ADGRL2: variants seen among roughly 807,000 people sequenced by gnomAD.
ADGRL2 encodes calcium-independent alpha-latrotoxin receptor 2.
Under a neutral mutation model 157.4 loss-of-function variants are expected in ADGRL2, and 44 were observed. The ratio of observed to expected loss-of-function variants is 0.28; its 90% CI spans 0.22 to 0.36. The LOEUF is 0.36. Ranked by LOEUF, ADGRL2 falls within the 10% of genes least tolerant of loss-of-function variation. ADGRL2 has a pLI of 1.00. For missense variants in ADGRL2, 1,510 were observed against 1,768.9 expected (o/e 0.85, Z 2.63); for synonymous variants, 585 against 624.7 (o/e 0.94, Z 0.95).
At chr1:81,923,361 A>T (rs941733805) in intron 3 of ADGRL2, among the ~76,000 whole-genome samples, 1 of 152,208 alleles carries the variant, frequency 6.6e-6, no homozygotes, top group South Asian at 2.1e-4. Flanking sequence ...TCATATATTT[A>T]TCAGTCAGGT....
intron 2 of ADGRL2, among the ~76,000 whole-genome samples, chr1:81,864,524 A>T (rs766120984): frequency 1.3e-5 from 2 of 152,166 alleles, no homozygotes; most frequent in Admixed American, 6.6e-5. Context: ...TTAAGTGAAT[A>T]TTGCATTGTT....
At chr1:81,498,878 A>G (rs1280372767) in intron 2 of ADGRL2, among the ~76,000 whole-genome samples, 1 of 152,224 alleles carries the variant, frequency 6.6e-6, no homozygotes, top group African/African-American at 2.4e-5. Flanking sequence ...AAGAAAAAAA[A>G]TGGTTAGGAA....
intron 2 of ADGRL2, among the ~76,000 whole-genome samples, chr1:81,868,301 G>T (rs1389569842): frequency 6.6e-6 from 1 of 152,014 alleles, no homozygotes; most frequent in Non-Finnish European, 1.5e-5. Flanking sequence ...CTACAAAGGT[G>T]GTTGCTTTGT....
At chr1:81,693,057 G>C (rs1045221939) in intron 3 of ADGRL2, among the ~76,000 whole-genome samples, 1 of 152,214 alleles carries the variant, frequency 6.6e-6, no homozygotes, top group African/African-American at 2.4e-5. Context: ...TAGGCCTAGA[G>C]TGCAGGTCTG....
intron 2 of ADGRL2, among the ~76,000 whole-genome samples, chr1:81,448,909 T>C (rs1203540388): frequency 3.9e-5 from 6 of 152,228 alleles, no homozygotes; most frequent in Admixed American, 3.9e-4. Flanking sequence ...AACAAAGAAA[T>C]ATAAAAAGAA....
At chr1:81,979,491 A>G (rs1347105347) in intron 17 of ADGRL2, among the ~76,000 whole-genome samples, 6 of 151,762 alleles carry the variant, frequency 4.0e-5, no homozygotes, top group Non-Finnish European at 8.9e-5. Context: ...ATGGTTTCAA[A>G]CCCAGCAATT....
chr1:81,573,855 A>G (rs761512477), intron 2 of ADGRL2, among the ~76,000 whole-genome samples: 10 of 152,172 alleles, frequency 6.6e-5, no homozygotes, highest in Non-Finnish European at 1.2e-4. Context: ...CTTATTTTAT[A>G]TGATTAAATA....
chr1:81,419,499 C>T (rs1457261422), intron 1 of ADGRL2, among the ~76,000 whole-genome samples: 1 of 152,206 alleles, frequency 6.6e-6, no homozygotes, highest in Non-Finnish European at 1.5e-5. Flanking sequence ...TGAGCCATTG[C>T]ACCTGGCCAT....
chr1:81,562,868 CATT>C (rs1182238097), intron 2 of ADGRL2, among the ~76,000 whole-genome samples: 2 of 151,990 alleles, frequency 1.3e-5, no homozygotes, highest in African/African-American at 4.8e-5. Flanking sequence ...TAATTATGTT[CATT>C]ATTATTTCTA....
intron 2 of ADGRL2, among the ~76,000 whole-genome samples, chr1:81,887,859 G>C (rs962458507): frequency 6.6e-6 from 1 of 152,188 alleles, no homozygotes; most frequent in African/African-American, 2.4e-5. Flanking sequence ...TCAAACAAAT[G>C]ATTAGTTCTC....
intron 1 of ADGRL2, among the ~76,000 whole-genome samples, chr1:81,373,655 A>C (rs113234518): frequency 1.3e-5 from 2 of 152,212 alleles, no homozygotes; most frequent in African/African-American, 4.8e-5. Context: ...ATGTCTAGAA[A>C]ATTACATACA....
chr1:81,768,806 C>T (rs565267800), intron 2 of ADGRL2, among the ~76,000 whole-genome samples: 3 of 152,018 alleles, frequency 2.0e-5, no homozygotes, highest in Admixed American at 6.6e-5. Context: ...TTAGGCCAGG[C>T]GATGTAGCTC....
chr1:81,984,019 A>G (rs1057291960), intron 19 of ADGRL2, among the ~76,000 whole-genome samples: 5 of 152,164 alleles, frequency 3.3e-5, no homozygotes, highest in African/African-American at 1.2e-4. Context: ...CTTCCTAATT[A>G]GAGGCAAATG....
chr1:81,496,473 C>G (rs1411987658), intron 2 of ADGRL2, among the ~76,000 whole-genome samples: 1 of 152,176 alleles, frequency 6.6e-6, no homozygotes, highest in Middle Eastern at 3.2e-3. Context: ...GTGACCACCT[C>G]TTCTGTGGAT....
At chr1:81,534,350 C>T (rs190302127) in intron 2 of ADGRL2, among the ~76,000 whole-genome samples, 1 of 152,008 alleles carries the variant, frequency 6.6e-6, no homozygotes, top group African/African-American at 2.4e-5. Context: ...TCGGTAGAGA[C>T]GGGGTTTCAC....
intron 3 of ADGRL2, among the ~76,000 whole-genome samples, chr1:81,619,794 G>A (rs2081749816): frequency 6.6e-6 from 1 of 151,722 alleles, no homozygotes; most frequent in African/African-American, 2.4e-5. Context: ...CATAATACCA[G>A]GTTAGACCAG....
intron 3 of ADGRL2, among the ~76,000 whole-genome samples, chr1:81,640,791 A>T (rs939964188): frequency 2.0e-5 from 3 of 152,102 alleles, no homozygotes; most frequent in African/African-American, 4.8e-5. Context: ...CTGCTATCCA[A>T]CCTTCCAAAA....
chr1:81,364,210 AT>A lies in ADGRL2; in HGVS notation c.-302+57713del, dbSNP rs11435381. 5.6e-3 allele frequency among the ~76,000 whole-genome samples: 828 copies of A among 147,586 alleles called. 7 individuals are homozygous for A. The highest frequency in any genetic ancestry group is 0.049 in the South Asian group (229 of 4,702). On this transcript the variant is annotated intron_variant, in intron 1 of 24. Transcript: ENST00000370721. ...GAAGGTTGAGCCTTGAAAGTTTTCC[AT>A]TTTTTTTTTTTATGGCTTTGCCTTG... is the stretch of plus-strand genomic sequence containing the variant.
At chr1:81,786,316 G>A (rs190376576) in intron 2 of ADGRL2, among the ~76,000 whole-genome samples, 9 of 152,256 alleles carry the variant, frequency 5.9e-5, no homozygotes, top group East Asian at 3.9e-4. Context: ...AATGGCTCAC[G>A]CCAATAATCC....
Sources: gnomAD v4.1 joint callset for allele counts (sites outside exome capture counted in the v4.1 genomes callset) on GRCh38, gnomAD v4.1.1 for gene constraint, MANE v1.5 for transcripts, NCBI Gene and HGNC (gene_info 2026-07-23, HGNC 2026-07-21) for gene names.